Variants in ZNF804B observed in about 807,000 individuals in gnomAD.
The protein encoded by ZNF804B is zinc finger 804B.
A neutral mutation model predicts 101.4 loss-of-function variants in ZNF804B; 80 were observed. The ratio of observed to expected loss-of-function variants is 0.79; its 90% CI spans 0.66 to 0.95. The LOEUF (loss-of-function observed/expected upper bound fraction) is 0.95, where lower values mean the gene tolerates loss of function less well. Ranked by LOEUF, ZNF804B falls within the 40% of genes least tolerant of loss-of-function variation. The pLI is 0.00. For missense variants in ZNF804B, 1,673 were observed against 1,561.9 expected, an observed-to-expected ratio of 1.07 and a Z score of -1.20; for synonymous variants, 622 against 558.8, an observed-to-expected ratio of 1.11 and a Z score of -1.59.
chr7:89,029,116 T>C (rs1212187413), intron 1 of ZNF804B, among the ~76,000 whole-genome samples: 3 of 152,182 alleles, frequency 2.0e-5, no homozygotes, highest in African/African-American at 7.2e-5. Context: ...TTTGTTTGTT[T>C]GTTTTGAGAC....
At chr7:89,171,343 C>CTTCTTT (rs1562904509) in intron 1 of ZNF804B, among the ~76,000 whole-genome samples, 25 of 132,376 alleles carry the variant, frequency 1.9e-4, no homozygotes, top group African/African-American at 6.8e-4. Flanking sequence ...TCTTCTTCTT[C>CTTCTTT]TTCTTCTTCT....
chr7:88,813,194 T>C (rs557855773), intron 1 of ZNF804B, among the ~76,000 whole-genome samples: 1 of 152,058 alleles, frequency 6.6e-6, no homozygotes, highest in Admixed American at 6.5e-5. Context: ...TTGGGATGCT[T>C]AGGCGGTTGG....
intron 1 of ZNF804B, among the ~76,000 whole-genome samples, chr7:88,842,662 A>G (rs1326703915): frequency 6.6e-6 from 1 of 152,212 alleles, no homozygotes; most frequent in Admixed American, 6.5e-5. Flanking sequence ...GGAAACTAAG[A>G]CTTTTCAACA....
intron 1 of ZNF804B, among the ~76,000 whole-genome samples, chr7:89,158,582 A>G (rs1424479702): frequency 1.0e-5 from 1 of 96,572 alleles, no homozygotes; most frequent in Admixed American, 1.0e-4. Flanking sequence ...CCACCAACTT[A>G]ATGGAATAGA....
chr7:89,337,032 AT>A lies in ZNF804B; in HGVS notation c.*1del. ...TAAATGTGTCCACACACTTGAACTA[AT>A]AAGTGTTAAAGCCCCTCCTGTGGAT... On this transcript the variant is annotated 3_prime_UTR_variant, in exon 4 of 4. Transcript: ENST00000333190. The A allele has an allele frequency of 1.9e-6, 3 of 1,611,704 alleles. No homozygotes were observed. The highest frequency in any genetic ancestry group is 2.2e-5 in the South Asian group (2 of 90,942).
intron 1 of ZNF804B, among the ~76,000 whole-genome samples, chr7:88,956,024 C>G (rs1328790686): frequency 1.3e-5 from 2 of 151,538 alleles, no homozygotes; most frequent in African/African-American, 4.8e-5. Context: ...TGCAAATAAA[C>G]CACAACAAGC....
chr7:89,032,147 T>C (rs1308859086), intron 1 of ZNF804B, among the ~76,000 whole-genome samples: 1 of 152,132 alleles, frequency 6.6e-6, no homozygotes, highest in Non-Finnish European at 1.5e-5. Flanking sequence ...TTAGTTAATC[T>C]TTTGCAACAT....
chr7:89,306,999 G>C (rs1375578209), intron 2 of ZNF804B, among the ~76,000 whole-genome samples: 1 of 151,854 alleles, frequency 6.6e-6, no homozygotes, highest in Non-Finnish European at 1.5e-5. Context: ...CCTCTAAAAG[G>C]ACTGCATGCA....
chr7:89,293,399 T>A (rs1790328313), intron 2 of ZNF804B, among the ~76,000 whole-genome samples: 1 of 152,154 alleles, frequency 6.6e-6, no homozygotes, highest in African/African-American at 2.4e-5. Flanking sequence ...TTTGTCCCAA[T>A]TAAAAATAAA....
intron 1 of ZNF804B, among the ~76,000 whole-genome samples, chr7:88,861,309 G>A (rs1422036749): frequency 6.6e-6 from 1 of 152,048 alleles, no homozygotes; most frequent in Non-Finnish European, 1.5e-5. Context: ...ACATTTCCAT[G>A]GAATTAAAGA....
chr7:89,297,138 A>G (rs1370131178), intron 2 of ZNF804B, among the ~76,000 whole-genome samples: 1 of 152,076 alleles, frequency 6.6e-6, no homozygotes, highest in Non-Finnish European at 1.5e-5. Flanking sequence ...TGACCAGGTC[A>G]CAATTTCAAG....
intron 1 of ZNF804B, among the ~76,000 whole-genome samples, chr7:88,994,533 C>A (rs371243560): frequency 2.0e-5 from 3 of 152,062 alleles, no homozygotes; most frequent in East Asian, 3.9e-4. Context: ...TTCACTGTAG[C>A]CTTTGGCTAC....
intron 1 of ZNF804B, among the ~76,000 whole-genome samples, chr7:88,770,017 A>G (rs901468640): frequency 6.1e-4 from 93 of 152,316 alleles, no homozygotes; most frequent in African/African-American, 2.2e-3. Flanking sequence ...CAGTTTCTTA[A>G]TCCAAATAAA....
intron 2 of ZNF804B, among the ~76,000 whole-genome samples, chr7:89,274,812 C>A (rs1283753247): frequency 6.6e-6 from 1 of 151,882 alleles, no homozygotes; most frequent in Non-Finnish European, 1.5e-5. Context: ...TCTACCCTGA[C>A]TTTCCTCCAT....
At chr7:89,271,573 G>A (rs1789896541) in intron 2 of ZNF804B, among the ~76,000 whole-genome samples, 1 of 152,070 alleles carries the variant, frequency 6.6e-6, no homozygotes, top group Non-Finnish European at 1.5e-5. Context: ...TGAGGATGAT[G>A]CTGGCCTCAT....
rs1415068102 is a variant in ZNF804B at position 88,877,019 on chromosome 7, TATATATA to T, written c.108+116943_108+116949del. ...ATTTGAAAAAAAAAATATATATATATATATATAATATATATATATATATATATATATT... is the reference window on the plus strand; with the variant it reads ...ATTTGAAAAAAAAAATATATATATATATATATATATATATATATATATATT... On this transcript the variant is annotated intron_variant, in intron 1 of 3. Transcript: ENST00000333190. Among the ~76,000 whole-genome samples, 106 of 78,944 alleles carry T rather than the reference TATATATA, an allele frequency of 1.3e-3. 5 individuals are homozygous for T. Among genetic ancestry groups the T allele is most frequent in the East Asian group, 6.3e-3 (15 of 2,370 alleles). The allele number at this position is 78,944 out of a possible 152,430, so 51.8% of individuals were successfully genotyped here. A position where few individuals can be genotyped will look rare whatever the true frequency, so the allele number is the denominator to read the frequency against.
Position 89,193,489 on chromosome 7 carries a change from A to G in ZNF804B, c.109-24666A>G, listed in dbSNP as rs187616669. On this transcript the variant is annotated intron_variant, in intron 1 of 3. Transcript: ENST00000333190. ...CCCCCCACCCCACAACAGTCCCCAG[A>G]GTGTGATGTTCCCCTTCATGTGTCC... is the stretch of plus-strand genomic sequence containing the variant. Among the ~76,000 whole-genome samples the G allele has an allele frequency of 4.5e-3, 498 of 109,910 alleles. 3 individuals carry two copies. The highest frequency in any genetic ancestry group is 0.017 in the African/African-American group (477 of 28,538). 72.1% of individuals were successfully genotyped at this position (109,910 alleles called of 152,430 possible). A position where few individuals can be genotyped will look rare whatever the true frequency, so the allele number is the denominator to read the frequency against.
At chr7:89,166,496 G>A (rs1445374168) in intron 1 of ZNF804B, among the ~76,000 whole-genome samples, 3 of 152,156 alleles carry the variant, frequency 2.0e-5, no homozygotes, top group Non-Finnish European at 4.4e-5. Flanking sequence ...AACACCTTAA[G>A]TTTGTGTTGT....
intron 1 of ZNF804B, among the ~76,000 whole-genome samples, chr7:88,791,736 A>G (rs1020405057): frequency 1.3e-5 from 2 of 152,144 alleles, no homozygotes; most frequent in Non-Finnish European, 2.9e-5. Context: ...ATAATAAGTG[A>G]TACAAAGAGC....
Sources: allele counts gnomAD v4.1 joint callset (sites outside exome capture counted in the v4.1 genomes callset), GRCh38; gene constraint gnomAD v4.1.1; transcripts MANE v1.5; gene names NCBI Gene and HGNC (gene_info 2026-07-23, HGNC 2026-07-21).